The following PRPF8 variants were observed in gnomAD, a reference collection of about 807,000 sequenced individuals.
The protein encoded by PRPF8 is pre-mRNA-processing-splicing factor 8.
Under a neutral mutation model 285.9 loss-of-function variants are expected in PRPF8, and 64 were observed. The observed-to-expected ratio is 0.22, with a 90% CI of 0.18 to 0.28. The LOEUF is 0.28. PRPF8 is among the 10% of genes least tolerant of loss of function. The pLI, the probability that PRPF8 is intolerant of heterozygous loss-of-function variation, is 1.00. For missense variants in PRPF8, 1,426 were observed against 3,026.7 expected (o/e 0.47, Z 12.41); for synonymous variants, 1,325 against 1,118.2 (o/e 1.18, Z -3.69).
At position 1,675,739 on chromosome 17, in the gene PRPF8, G is replaced by C. The variant is rs1912574036; in HGVS notation, c.2753C>G (p.Thr918Ser). 1 of 1,614,040 alleles carries C rather than the reference G, an allele frequency of 6.2e-7. No homozygotes were observed. The change falls in exon 19 of 43, where the codon ACT becomes AGT. Residue 918 changes from threonine (T) to serine (S), a missense_variant. Thr to Ser is a moderately conservative substitution (Grantham distance 58). Coordinates refer to ENST00000304992, the MANE Select transcript of PRPF8 (RefSeq NM_006445.4). The surrounding 1 kb of genome is among the most constrained non-coding windows in gnomAD (Gnocchi z 6.0). The part of the protein sequence containing the change: ...VYDVEPLEKI[T>S]DAYLDQYLWY... Reference sequence around the variant, plus strand: ...CAGGTACTGGTCCAGGTAAGCATCAGTTATCTTCTCCAGGGGCTCAACATC... The same window carrying C: ...CAGGTACTGGTCCAGGTAAGCATCACTTATCTTCTCCAGGGGCTCAACATC...
chr17:1,679,262 G>A lies in PRPF8; in HGVS notation c.1409+29C>T, dbSNP rs376466714. 1.2e-5 allele frequency: 20 copies of A among 1,614,212 alleles called. No individual in the cohort carries two copies. Among genetic ancestry groups the A allele is most frequent in the Non-Finnish European group, 1.4e-5 (17 of 1,180,038 alleles). ...GCCTACTGATATCTCTGGAACAGAA[G>A]TCTGCGCAGGGCCCCTGGGGCACCT... On this transcript the variant is annotated intron_variant, in intron 10 of 42. Coordinates refer to ENST00000304992, the MANE Select transcript of PRPF8 (RefSeq NM_006445.4). The surrounding 1 kb of genome is among the most constrained non-coding windows in gnomAD (Gnocchi z 4.7).
chr17:1,664,352 A>G (rs886430653), intron 24 of PRPF8, among the ~76,000 whole-genome samples: 1 of 152,240 alleles, frequency 6.6e-6, no homozygotes. Context: ...AAGTATACAA[A>G]AAATATCACT....
chr17:1,656,287 A>G (rs765681045), intron 36 of PRPF8, 105 bp downstream of exon 36: 52 of 1,411,888 alleles, frequency 3.7e-5, no homozygotes, highest in Admixed American at 1.0e-4. Flanking sequence ...TTCCCACCCA[A>G]TCTATAGGCT....
rs2151111167 is a variant in PRPF8 at position 1,653,572 on chromosome 17, C to T, written c.6339G>A (p.Lys2113=). 4.3e-6 allele frequency: 7 copies of T among 1,614,190 alleles called. No individual in the cohort carries two copies. The highest frequency in any genetic ancestry group is 5.9e-6 in the Non-Finnish European group (7 of 1,180,032). The change falls in exon 39 of 43, where the codon AAG becomes AAA. Residue 2113 remains lysine (K), a synonymous_variant. Coordinates refer to ENST00000304992, the MANE Select transcript of PRPF8 (RefSeq NM_006445.4). This position sits in a 1 kb window ranked among gnomAD's most constrained non-coding sequence, Gnocchi z 4.9. ...TYILPKNVLK[K]FICISDLRAQ... ...CCCGAAGGTCAGATATGCAGATGAA[C>T]TTCTTAAGCACATTCTTGGGAAGGA... is the stretch of plus-strand genomic sequence containing the variant.
chr17:1,681,721 T>C (rs1313981523), intron 5 of PRPF8, 31 bp from the exon 6 acceptor site: 3 of 1,611,800 alleles, frequency 1.9e-6, no homozygotes, highest in East Asian at 2.2e-5. Flanking sequence ...CCACCTCAAG[T>C]AAGCAGCTAG....
chr17:1,658,474 T>C lies in PRPF8; in HGVS notation c.5376+52A>G. ...TGTGTACACACTTAGCCCATTACTCTCCCACAGCCATGTACAGAGTCCCGC... is the reference window on the plus strand; with the variant it reads ...TGTGTACACACTTAGCCCATTACTCCCCCACAGCCATGTACAGAGTCCCGC... On this transcript the variant is annotated intron_variant, in intron 33 of 42. Transcript: ENST00000304992. The surrounding 1 kb of genome is among the most constrained non-coding windows in gnomAD (Gnocchi z 4.1). The C allele has an allele frequency of 6.2e-7, 1 of 1,613,476 alleles. No homozygotes were observed. Among genetic ancestry groups the C allele is most frequent in the South Asian group, 1.1e-5 (1 of 91,070 alleles).
intron 24 of PRPF8, among the ~76,000 whole-genome samples, chr17:1,666,950 G>A (rs1188609209): frequency 6.6e-6 from 1 of 152,138 alleles, no homozygotes; most frequent in East Asian, 1.9e-4. Context: ...CGAGGCGGTT[G>A]GATCATGAGG....
intron 3 of PRPF8, chr17:1,683,196 C>G (rs1011634976): frequency 3.4e-5 from 12 of 348,964 alleles, no homozygotes; most frequent in Non-Finnish European, 5.0e-5. Flanking sequence ...GGGGTTTCAC[C>G]GTGTTAGCCA....
chr17:1,674,809 C>A (rs1465601957), intron 20 of PRPF8, 129 bp from the exon 21 acceptor site: 3 of 1,007,420 alleles, frequency 3.0e-6, no homozygotes, highest in South Asian at 2.6e-5. Flanking sequence ...TGTGCTCAGT[C>A]ACCCAGGCTG....
Position 1,676,262 on chromosome 17 carries a change from T to C in PRPF8, c.2497A>G (p.Lys833Glu). 1.2e-6 allele frequency: 2 copies of C among 1,614,010 alleles called. No individual in the cohort carries two copies. Among genetic ancestry groups the C allele is most frequent in the Non-Finnish European group, 1.7e-6 (2 of 1,180,006 alleles). Residue 833 changes from lysine to glutamate, a missense_variant, in exon 17 of 43, where the codon AAG becomes GAG. Physicochemically the swap from Lys to Glu is moderately conservative, Grantham distance 56. Around this residue, in one of 34 missense-constraint regions of PRPF8, gnomAD observed 70 missense variants for 273.7 expected, o/e 0.26. Transcript: ENST00000304992. The surrounding 1 kb of genome is among the most constrained non-coding windows in gnomAD (Gnocchi z 6.3). The stretch of plus-strand genomic sequence containing the variant: ...AAGATGAGCAACTTGGTGTCATGCT[T>C]ATAGGAGAGTGGGGGGAATGGGATG... The part of the protein sequence containing the change: ...SPIPFPPLSY[K>E]HDTKLLILAL...
In PRPF8 at chr17:1,660,152, T is replaced by C. The variant is rs963569838; in HGVS notation, c.4786-151A>G. On this transcript the variant is annotated intron_variant, in intron 30 of 42. Coordinates refer to ENST00000304992, the MANE Select transcript of PRPF8 (RefSeq NM_006445.4). ...GCAAAAGAGCAAGCTGAGCTGACTC[T>C]GTACAGCACGCTCTCCCCGCGATTC... 8.2e-6 allele frequency: 9 copies of C among 1,094,174 alleles called. No homozygotes were observed. The East Asian group carries it at 1.4e-4, about 17-fold the overall frequency. The allele number at this position is 1,094,174 out of a possible 1,614,324, so 67.8% of individuals were successfully genotyped here. A position where few individuals can be genotyped will look rare whatever the true frequency, so the allele number is the denominator to read the frequency against.
intron 20 of PRPF8, 104 bp from the exon 21 acceptor site, chr17:1,674,784 C>T: frequency 1.6e-6 from 2 of 1,243,282 alleles, no homozygotes; most frequent in Non-Finnish European, 2.3e-6. Context: ...CTTTTTTCCA[C>T]TCCCGAGGCG....
intron 37 of PRPF8, 123 bp from the exon 38 acceptor site, chr17:1,654,139 G>C: frequency 7.0e-7 from 1 of 1,425,046 alleles, no homozygotes; most frequent in Admixed American, 1.7e-5. Flanking sequence ...CAATCCACAA[G>C]AGCTGCTTCT....
chr17:1,657,855 C>T (rs901327407), intron 34 of PRPF8, among the ~76,000 whole-genome samples: 75 of 150,976 alleles, frequency 5.0e-4, no homozygotes, highest in African/African-American at 1.8e-3. Flanking sequence ...CCTGTAGTCC[C>T]AGCTACTCGG....
rs748342311 is a variant in PRPF8, at chr17:1,679,806, A to T, written c.1099-7T>A. ...CCGGCAATGGTTCCTGGCTCTGAAA[A>T]AGGAATCCCTCTAAGGGTTTAGCTC... On this transcript the variant is annotated splice_polypyrimidine_tract_variant and splice_region_variant and intron_variant, in intron 8 of 42. Transcript: ENST00000304992. The surrounding 1 kb of genome is among the most constrained non-coding windows in gnomAD (Gnocchi z 4.7). The T allele has an allele frequency of 1.9e-6, 3 of 1,614,206 alleles. No homozygotes were observed. The South Asian group carries it at 3.3e-5, about 18-fold the overall frequency.
In PRPF8 at chr17:1,655,344, G is replaced by A. The variant is rs1274679615; in HGVS notation, c.5987+6C>T. On this transcript the variant is annotated splice_donor_region_variant and intron_variant, in intron 37 of 42. Coordinates refer to ENST00000304992, the MANE Select transcript of PRPF8 (RefSeq NM_006445.4). Reference sequence around the variant, plus strand: ...TCCTGTCTGTGTCCCCACCAGCACTGCTCACTTGTTTTTCTTGCCGTAGTC... The same window carrying A: ...TCCTGTCTGTGTCCCCACCAGCACTACTCACTTGTTTTTCTTGCCGTAGTC... The A allele has an allele frequency of 6.2e-7, 1 of 1,612,752 alleles. No individual in the cohort carries two copies. Among genetic ancestry groups the A allele is most frequent in the Admixed American group, 1.7e-5 (1 of 59,994 alleles).
intron 24 of PRPF8, among the ~76,000 whole-genome samples, chr17:1,663,288 C>A (rs2151117714): frequency 6.6e-6 from 1 of 151,166 alleles, no homozygotes; most frequent in East Asian, 1.9e-4. Context: ...AAGAGAAAAG[C>A]AGAAAAAATA....
At chr17:1,664,936 T>C (rs1386604199) in intron 24 of PRPF8, among the ~76,000 whole-genome samples, 1 of 151,576 alleles carries the variant, frequency 6.6e-6, no homozygotes, top group Admixed American at 6.6e-5. Context: ...GGCGGGTGAA[T>C]CACGAGGTCA....
rs558557690 is a variant in PRPF8 at position 1,675,642 on chromosome 17, C to T, written c.2850G>A (p.Leu950=). The part of the protein sequence containing the change: ...IKPADTEPPP[L]LVYKWCQGIN... ...TACCTTGACACCACTTGTAAACAAG[C>T]AGCGGAGGTGGTTCTGTGTCTGCAG... The change falls in exon 19 of 43, where the codon CTG becomes CTA. Residue 950 remains leucine (L), a synonymous_variant. Transcript: ENST00000304992. The surrounding 1 kb of genome is among the most constrained non-coding windows in gnomAD (Gnocchi z 6.0). The T allele has an allele frequency of 1.9e-6, 3 of 1,614,164 alleles. No homozygotes were observed. The South Asian group carries it at 3.3e-5, about 18-fold the overall frequency.
Sources: allele counts gnomAD v4.1 joint callset (sites outside exome capture counted in the v4.1 genomes callset), GRCh38; gene constraint gnomAD v4.1.1; regional missense constraint gnomAD v4.1.1; non-coding constraint Gnocchi (gnomAD v3.1); transcripts MANE v1.5; gene names NCBI Gene and HGNC (gene_info 2026-07-23, HGNC 2026-07-21).